The following USP32 variants were observed in gnomAD, a reference collection of about 807,000 sequenced individuals.
USP32 encodes ubiquitin specific peptidase 32, also known as ubiquitin carboxyl-terminal hydrolase 32.
In USP32, 59 loss-of-function variants were observed where a neutral mutation model predicts 204.8. The observed-to-expected ratio is 0.29, with a 90% CI of 0.23 to 0.36. The LOEUF is 0.36. Among genes scored for constraint, USP32 ranks in the 10% least tolerant of loss-of-function variants. The pLI is 1.00. For missense variants in USP32, 1,160 were observed against 1,946.4 expected, an observed-to-expected ratio of 0.60 and a Z score of 7.60; for synonymous variants, 517 against 678.4, an observed-to-expected ratio of 0.76 and a Z score of 3.70.
intron 1 of USP32, among the ~76,000 whole-genome samples, chr17:60,388,855 T>A (rs2089778831): frequency 6.6e-6 from 1 of 152,212 alleles, no homozygotes; most frequent in South Asian, 2.1e-4. Context: ...GTAACTGAAG[T>A]CACTAGACTG....
At chr17:60,337,902 G>C (rs962840036) in intron 2 of USP32, among the ~76,000 whole-genome samples, 1 of 151,942 alleles carries the variant, frequency 6.6e-6, no homozygotes, top group Non-Finnish European at 1.5e-5. Context: ...AATAAGATTA[G>C]ACAAGACGTA....
Position 60,181,566 on chromosome 17 carries a change from C to T in USP32, c.4306G>A (p.Gly1436Arg). ...GCGTCAGCCAGCTCACATATCTGCCCAGCCCCATTTTCTTTGCTGGCATCC... is the reference window on the plus strand; with the variant it reads ...GCGTCAGCCAGCTCACATATCTGCCTAGCCCCATTTTCTTTGCTGGCATCC... ...NLDASKENGA[G>R]QICELADALS... is the part of the protein sequence containing the mutation. Residue 1436 changes from glycine (G) to arginine (R), a missense_variant, in exon 32 of 34, where the codon GGG becomes AGG. By Grantham distance (125) the Gly-to-Arg change is moderately radical. Around this residue, in one of 8 missense-constraint regions of USP32, gnomAD observed 244 missense variants for 342.3 expected, o/e 0.71. Coordinates refer to ENST00000300896, the MANE Select transcript of USP32 (RefSeq NM_032582.4). The T allele has an allele frequency of 1.9e-6, 3 of 1,614,020 alleles. No individual in the cohort carries two copies. The highest frequency in any genetic ancestry group is 2.5e-6 in the Non-Finnish European group (3 of 1,179,880).
chr17:60,221,974 C>T (rs2085264630), intron 15 of USP32, among the ~76,000 whole-genome samples: 1 of 151,806 alleles, frequency 6.6e-6, no homozygotes, highest in South Asian at 2.1e-4. Flanking sequence ...CTTTTATATG[C>T]CCCTCCTTCA....
At chr17:60,341,554 T>G (rs1157854830) in intron 2 of USP32, among the ~76,000 whole-genome samples, 1 of 152,244 alleles carries the variant, frequency 6.6e-6, no homozygotes, top group Admixed American at 6.5e-5. Flanking sequence ...AACGTAGATT[T>G]GGTCTTTTCA....
chr17:60,377,348 T>G (rs2089565891), intron 1 of USP32, among the ~76,000 whole-genome samples: 1 of 152,178 alleles, frequency 6.6e-6, no homozygotes, highest in African/African-American at 2.4e-5. Flanking sequence ...GCATTTCATT[T>G]TTAAAAGTGC....
chr17:60,293,481 C>G (rs1007164679), intron 4 of USP32, among the ~76,000 whole-genome samples: 1 of 152,160 alleles, frequency 6.6e-6, no homozygotes, highest in Non-Finnish European at 1.5e-5. Flanking sequence ...ACTATCACAG[C>G]AACTTCCAGT....
At chr17:60,330,871 C>T (rs1039819081) in intron 2 of USP32, among the ~76,000 whole-genome samples, 42 of 152,170 alleles carry the variant, frequency 2.8e-4, no homozygotes, top group Admixed American at 2.7e-3. Context: ...TCCCAACTTT[C>T]CCAGCCTAAC....
intron 1 of USP32, among the ~76,000 whole-genome samples, chr17:60,350,021 T>G (rs925200480): frequency 1.6e-4 from 25 of 151,700 alleles, no homozygotes; most frequent in African/African-American, 5.6e-4. Flanking sequence ...TTTTGTTTTT[T>G]TTTTTATTTT....
At chr17:60,289,272 T>G (rs1288887625) in intron 4 of USP32, among the ~76,000 whole-genome samples, 1 of 152,240 alleles carries the variant, frequency 6.6e-6, no homozygotes, top group Admixed American at 6.5e-5. Flanking sequence ...CCTCCCAAAG[T>G]GCTGGGATTA....
At chr17:60,298,508 T>G (rs2087495194) in intron 3 of USP32, among the ~76,000 whole-genome samples, 1 of 152,208 alleles carries the variant, frequency 6.6e-6, no homozygotes, top group Non-Finnish European at 1.5e-5. Flanking sequence ...GTGAATACTA[T>G]GTAAATAGTT....
At chr17:60,394,656 C>G (rs996232829), upstream of USP32, among the ~76,000 whole-genome samples, 3 of 152,182 alleles carry the variant, frequency 2.0e-5, no homozygotes, top group African/African-American at 7.2e-5. Flanking sequence ...ATGGTATATC[C>G]TGCAGCACAC....
At chr17:60,318,086 T>C (rs761600385) in intron 2 of USP32, among the ~76,000 whole-genome samples, 5 of 152,246 alleles carry the variant, frequency 3.3e-5, no homozygotes, top group Admixed American at 6.5e-5. Context: ...AATTGTGACA[T>C]AGAAAGCATG....
intron 1 of USP32, among the ~76,000 whole-genome samples, chr17:60,383,319 A>G (rs2089678113): frequency 6.6e-6 from 1 of 151,992 alleles, no homozygotes; most frequent in South Asian, 2.1e-4. Context: ...TACATATAGT[A>G]TAACTCGATT....
At chr17:60,307,182 C>A (rs2087746458) in intron 2 of USP32, among the ~76,000 whole-genome samples, 1 of 151,502 alleles carries the variant, frequency 6.6e-6, no homozygotes, top group South Asian at 2.1e-4. Context: ...TCTCTGCAAA[C>A]TCAACCTCCC....
At chr17:60,223,692 G>C (rs1271297169) in intron 13 of USP32, 106 bp from the exon 14 acceptor site, 1 of 920,688 alleles carries the variant, frequency 1.1e-6, no homozygotes, top group Non-Finnish European at 1.6e-6. Flanking sequence ...CTGTTGACAT[G>C]TCAGTACAGA....
In USP32 at chr17:60,392,011, C is replaced by T; in HGVS notation, c.-72G>A. ...CACCCCCCTCCCGCCTTCTCCTCGG[C>T]GTCCCTGGGTGACGGTGACGGTGTC... On this transcript the variant is annotated 5_prime_UTR_variant, in exon 1 of 34. Transcript: ENST00000300896. The T allele has an allele frequency of 6.6e-7, 1 of 1,519,252 alleles. No individual in the cohort carries two copies. Among genetic ancestry groups the T allele is most frequent in the Non-Finnish European group, 8.9e-7 (1 of 1,123,408 alleles). 94.1% of individuals were successfully genotyped at this position (1,519,252 alleles called of 1,614,324 possible). A position where few individuals can be genotyped will look rare whatever the true frequency, so the allele number is the denominator to read the frequency against.
chr17:60,236,009 C>T, intron 12 of USP32, 129 bp downstream of exon 12: 2 of 735,216 alleles, frequency 2.7e-6, no homozygotes, highest in Admixed American at 2.1e-5. Flanking sequence ...ATTTCCTTTC[C>T]CTTCGAATCT....
At chr17:60,252,545 T>A (rs2145711792) in intron 10 of USP32, 103 bp from the exon 11 acceptor site, 2 of 804,340 alleles carry the variant, frequency 2.5e-6, no homozygotes, top group East Asian at 5.9e-5. Flanking sequence ...AGCAACAGTT[T>A]TCAACTCATG....
At chr17:60,364,485 C>G (rs1457529981) in intron 1 of USP32, among the ~76,000 whole-genome samples, 1 of 152,170 alleles carries the variant, frequency 6.6e-6, no homozygotes, top group Non-Finnish European at 1.5e-5. Flanking sequence ...GTTCAAGTAA[C>G]TTTCGTGCCT....
Sources: allele counts gnomAD v4.1 joint callset (sites outside exome capture counted in the v4.1 genomes callset), GRCh38; gene constraint gnomAD v4.1.1; regional missense constraint gnomAD v4.1.1; transcripts MANE v1.5; gene names NCBI Gene and HGNC (gene_info 2026-07-23, HGNC 2026-07-21).